ACAN: variants seen among roughly 807,000 people sequenced by gnomAD.
ACAN encodes aggrecan.
ACAN carries 47 observed loss-of-function variants against 169.1 expected under a neutral mutation model. The ratio of observed to expected loss-of-function variants is 0.28; its 90% CI spans 0.22 to 0.35. The LOEUF (loss-of-function observed/expected upper bound fraction) is 0.35, where lower values mean the gene tolerates loss of function less well. ACAN is among the 10% of genes least tolerant of loss of function. The probability of loss-of-function intolerance (pLI) is 1.00; values close to 1 mark genes in which losing one functional copy is unlikely to be tolerated. For missense variants in ACAN, 2,716 were observed against 2,759.9 expected (o/e 0.98, Z 0.36); for synonymous variants, 1,115 against 1,112.2 (o/e 1.00, Z -0.05).
intron 12 of ACAN, among the ~76,000 whole-genome samples, 200 bp downstream of exon 12, chr15:88,859,617 T>C (rs1424986534): frequency 2.0e-5 from 3 of 152,164 alleles, no homozygotes; most frequent in African/African-American, 7.2e-5. Flanking sequence ...CCAGGGAAGA[T>C]TAGGCAGAAC....
chr15:88,818,075 A>C (rs930877508), intron 1 of ACAN, among the ~76,000 whole-genome samples: 1 of 152,180 alleles, frequency 6.6e-6, no homozygotes, highest in Non-Finnish European at 1.5e-5. Flanking sequence ...ACATGTTTCC[A>C]AGTAAGTAAA....
chr15:88,868,478 T>C lies in ACAN; in HGVS notation c.7060+149T>C. On this transcript the variant is annotated intron_variant, in intron 14 of 18. Transcript: ENST00000560601. The surrounding 1 kb of genome is among the most constrained non-coding windows in gnomAD (Gnocchi z 5.2). ...CATTTCAGGGGCCACAACTGAAAATTCTGCCCCACTGATTCCCACTCTTTT... is the reference window on the plus strand; with the variant it reads ...CATTTCAGGGGCCACAACTGAAAATCCTGCCCCACTGATTCCCACTCTTTT... 1 of 590,304 alleles carries C rather than the reference T, an allele frequency of 1.7e-6. No individual in the cohort carries two copies. Among genetic ancestry groups the C allele is most frequent in the Non-Finnish European group, 3.0e-6 (1 of 331,814 alleles). 36.6% of individuals were successfully genotyped at this position (590,304 alleles called of 1,614,324 possible).
At position 88,851,522 on chromosome 15, in the gene ACAN, A is replaced by G; in HGVS notation, c.2027-272A>G. The G allele has an allele frequency of 2.7e-6, 1 of 371,502 alleles. No individual in the cohort carries two copies. The highest frequency in any genetic ancestry group is 4.8e-6 in the Non-Finnish European group (1 of 206,302). 23.0% of individuals were successfully genotyped at this position (371,502 alleles called of 1,614,324 possible). ...GTTGTGAGATAAAGTGATTTTAGAT[A>G]CACAAGGCTTTAGAGCAATGCCCGG... On this transcript the variant is annotated intron_variant, in intron 10 of 18. Transcript: ENST00000560601. This position sits in a 1 kb window ranked among gnomAD's most constrained non-coding sequence, Gnocchi z 4.3.
chr15:88,845,039 A>G (rs1369506483), intron 6 of ACAN, among the ~76,000 whole-genome samples: 4 of 152,196 alleles, frequency 2.6e-5, no homozygotes, highest in Non-Finnish European at 4.4e-5. Context: ...TTCCATGACT[A>G]TGAGACAGGC....
Position 88,840,134 on chromosome 15 carries a change from G to A in ACAN, c.577G>A (p.Glu193Lys), listed in dbSNP as rs748868363. The A allele has an allele frequency of 1.6e-5, 26 of 1,606,010 alleles. 1 individual carries two copies. The highest frequency in any genetic ancestry group is 9.0e-5 in the South Asian group (8 of 89,342). ...ATPEQLQAAYEDGFHQCDAGW... is the reference protein window; with the variant it reads ...ATPEQLQAAYKDGFHQCDAGW... ...GCCTGAGCAGCTGCAGGCCGCCTAC[G>A]AAGACGGCTTCCACCAGTGTGACGC... is the stretch of plus-strand genomic sequence containing the variant. Residue 193 changes from glutamate (E) to lysine (K), a missense_variant, in exon 4 of 19, where the codon GAA (glutamate) becomes AAA (lysine). This residue lies in a region of ACAN where 1,283 missense variants were observed against 1,281.5 expected (regional missense o/e 1.00). Transcript: ENST00000560601.
At position 88,870,471 on chromosome 15, in the gene ACAN, G is replaced by C. The variant is rs1381208334; in HGVS notation, c.7061-911G>C. On this transcript the variant is annotated intron_variant, in intron 14 of 18. Coordinates refer to ENST00000560601, the MANE Select transcript of ACAN (RefSeq NM_001369268.1). The surrounding 1 kb of genome is among the most constrained non-coding windows in gnomAD (Gnocchi z 6.3). ...GAAAGGAGCCCTGATTGTAGCATCT[G>C]CCAATTCCTGAGGTGTAAATGCTTC... Among the ~76,000 whole-genome samples the C allele has an allele frequency of 1.3e-5, 2 of 152,310 alleles. No homozygotes were observed. The highest frequency in any genetic ancestry group is 3.9e-4 in the East Asian group (2 of 5,168).
chr15:88,854,376 A>G (rs1185176040), intron 11 of ACAN, among the ~76,000 whole-genome samples: 1 of 152,180 alleles, frequency 6.6e-6, no homozygotes, highest in Non-Finnish European at 1.5e-5. Context: ...TTTCTATTCA[A>G]GCTCCCAGAG....
Position 88,848,930 on chromosome 15 carries a change from C to T in ACAN, c.1733-508C>T, listed in dbSNP as rs58704752. ...AGTGTAAGCCCTCCTCCCCCTAAAC[C>T]GGATAGGTATCAGGTACATCGCTAG... is the stretch of plus-strand genomic sequence containing the variant. On this transcript the variant is annotated intron_variant, in intron 9 of 18. Transcript: ENST00000560601. Among the ~76,000 whole-genome samples, 81 of 152,312 alleles carry T rather than the reference C, an allele frequency of 5.3e-4. 1 individual carries two copies. The highest frequency in any genetic ancestry group is 1.6e-3 in the African/African-American group (67 of 41,554).
In ACAN at chr15:88,871,336, C is replaced by T. The variant is rs1897373382; in HGVS notation, c.7061-46C>T. ...TAAGACTGGCAGCATCTGCCATCCC[C>T]TGGTGGCCTCTGCCCCTCCCTTCAA... On this transcript the variant is annotated intron_variant, in intron 14 of 18. Transcript: ENST00000560601. The surrounding 1 kb of genome is among the most constrained non-coding windows in gnomAD (Gnocchi z 7.8). 5.6e-6 allele frequency: 9 copies of T among 1,612,128 alleles called. No homozygotes were observed. The highest frequency in any genetic ancestry group is 7.6e-6 in the Non-Finnish European group (9 of 1,179,510).
Position 88,860,391 on chromosome 15 carries a change from G to A in ACAN, c.6898G>A (p.Val2300Ile), listed in dbSNP as rs373674144. 5.8e-5 allele frequency: 94 copies of A among 1,613,698 alleles called. 1 individual carries two copies. The highest frequency in any genetic ancestry group is 2.8e-4 in the African/African-American group (21 of 75,018). ...AGTCKETEGH[V>I]ICLCPPGYTG... ...GACCTGCAAGGAGACAGAGGGACAC[G>A]TCATATGCCTGTGCCCCCCTGGCTA... Residue 2300 changes from valine to isoleucine, a missense_variant, in exon 13 of 19, where the codon GTC (valine) becomes ATC (isoleucine). This residue lies in a region of ACAN where 1,389 missense variants were observed against 1,363.7 expected (regional missense o/e 1.02). Coordinates refer to ENST00000560601, the MANE Select transcript of ACAN (RefSeq NM_001369268.1).
rs1895699742 is a variant in ACAN at position 88,807,024 on chromosome 15, A to G, written c.-8+3215A>G. 6.6e-6 allele frequency among the ~76,000 whole-genome samples: 1 copy of G among 151,552 alleles called. No individual in the cohort carries two copies. The highest frequency in any genetic ancestry group is 1.9e-4 in the East Asian group (1 of 5,184). Reference sequence around the variant, plus strand: ...AAATATATACAAATTTGATATTTGCATATATTTTTATTTAATTTTTTTTTT... The same window carrying G: ...AAATATATACAAATTTGATATTTGCGTATATTTTTATTTAATTTTTTTTTT... On this transcript the variant is annotated intron_variant, in intron 1 of 18. Transcript: ENST00000560601. The surrounding 1 kb of genome is among the most constrained non-coding windows in gnomAD (Gnocchi z 4.0).
chr15:88,874,122 A>C lies in ACAN; in HGVS notation c.7630+98A>C. 1 of 1,500,586 alleles carries C rather than the reference A, an allele frequency of 6.7e-7. No individual in the cohort carries two copies. 93.0% of individuals were successfully genotyped at this position (1,500,586 alleles called of 1,614,324 possible). ...CTCCTGGGGACCCTACACCGTCCAC[A>C]GGGTTGAGCAAGGGAAGGGAGGTCG... On this transcript the variant is annotated intron_variant, in intron 18 of 18. Coordinates refer to ENST00000560601, the MANE Select transcript of ACAN (RefSeq NM_001369268.1). The surrounding 1 kb of genome is among the most constrained non-coding windows in gnomAD (Gnocchi z 7.3).
At position 88,838,707 on chromosome 15, in the gene ACAN, C is replaced by G; in HGVS notation, c.115C>G (p.Leu39Val). ...TGTCAGCATCCCCCAACCGTCCCCG[C>G]TGAGGGTCCTCCTGGGGACCTCCCT... is the stretch of plus-strand genomic sequence containing the variant. Reference protein sequence around the residue: ...LSVSIPQPSPLRVLLGTSLTI... With the variant: ...LSVSIPQPSPVRVLLGTSLTI... Residue 39 changes from leucine (L) to valine (V), a missense_variant, in exon 3 of 19, where the codon CTG (leucine) becomes GTG (valine). Physicochemically the swap from Leu to Val is conservative, Grantham distance 32. Around this residue, in one of 3 missense-constraint regions of ACAN, gnomAD observed 1,283 missense variants for 1,281.5 expected, o/e 1.00. Transcript: ENST00000560601. This position sits in a 1 kb window ranked among gnomAD's most constrained non-coding sequence, Gnocchi z 5.1. 8.7e-6 allele frequency: 14 copies of G among 1,607,620 alleles called. No homozygotes were observed. Among genetic ancestry groups the G allele is most frequent in the Non-Finnish European group, 1.2e-5 (14 of 1,175,752 alleles).
intron 1 of ACAN, among the ~76,000 whole-genome samples, chr15:88,809,251 G>T (rs529557310): frequency 1.9e-4 from 29 of 152,246 alleles, no homozygotes; most frequent in Admixed American, 1.6e-3. Context: ...TTGGGGGAGG[G>T]GCAGTGGGTG....
rs1354414719 is a variant in ACAN at position 88,870,053 on chromosome 15, A to G, written c.7061-1329A>G. Among the ~76,000 whole-genome samples, 1 of 151,638 alleles carries G rather than the reference A, an allele frequency of 6.6e-6. No homozygotes were observed. Among genetic ancestry groups the G allele is most frequent in the Non-Finnish European group, 1.5e-5 (1 of 67,866 alleles). On this transcript the variant is annotated intron_variant, in intron 14 of 18. Transcript: ENST00000560601. This position sits in a 1 kb window ranked among gnomAD's most constrained non-coding sequence, Gnocchi z 6.3. The stretch of plus-strand genomic sequence containing the variant: ...TGCTGAGCTAGTCTGAGGCCTCTCC[A>G]CCTCTTTCCAGACTGCAGCCTCACC...
intron 4 of ACAN, among the ~76,000 whole-genome samples, chr15:88,841,007 T>C (rs913298436): frequency 8.6e-5 from 13 of 151,910 alleles, no homozygotes; most frequent in Admixed American, 2.6e-4. Flanking sequence ...TAGCCAGGCG[T>C]GGTGGTGGGC....
In ACAN at chr15:88,839,861, G is replaced by A. The variant is rs879204090; in HGVS notation, c.455-151G>A. 3.5e-5 allele frequency: 29 copies of A among 836,290 alleles called. No homozygotes were observed. The highest frequency in any genetic ancestry group is 3.0e-4 in the Middle Eastern group (1 of 3,340). The allele number at this position is 836,290 out of a possible 1,614,324, so 51.8% of individuals were successfully genotyped here. On this transcript the variant is annotated intron_variant, in intron 3 of 18. Transcript: ENST00000560601. The surrounding 1 kb of genome is among the most constrained non-coding windows in gnomAD (Gnocchi z 4.5). Reference sequence around the variant, plus strand: ...GTTCCAGCAAATTCAGAAGGATCACGTGCAAAGGTGTACAGGGAGTCATGC... The same window carrying A: ...GTTCCAGCAAATTCAGAAGGATCACATGCAAAGGTGTACAGGGAGTCATGC...
In ACAN at chr15:88,830,535, C is replaced by T. The variant is rs754547053; in HGVS notation, c.-7-5665C>T. On this transcript the variant is annotated intron_variant, in intron 1 of 18. Transcript: ENST00000560601. ...TACTGTACTGAATACTGTATTTTTA[C>T]TGTACCTTTTGTATGTGTAGATAGG... Among the ~76,000 whole-genome samples the T allele has an allele frequency of 5.6e-4, 85 of 151,838 alleles. 1 individual carries two copies. The highest frequency in any genetic ancestry group is 9.6e-4 in the Non-Finnish European group (65 of 68,006).
intron 1 of ACAN, among the ~76,000 whole-genome samples, chr15:88,821,019 A>C (rs1453952254): frequency 6.6e-6 from 1 of 152,170 alleles, no homozygotes; most frequent in Non-Finnish European, 1.5e-5. Context: ...AAGGGGGAAA[A>C]GCCCCTTATA....
Sources: allele counts gnomAD v4.1 joint callset (sites outside exome capture counted in the v4.1 genomes callset), GRCh38; gene constraint gnomAD v4.1.1; regional missense constraint gnomAD v4.1.1; non-coding constraint Gnocchi (gnomAD v3.1); transcripts MANE v1.5; gene names NCBI Gene and HGNC (gene_info 2026-07-23, HGNC 2026-07-21).